Variants in MACROH2A1 observed in about 807,000 individuals in gnomAD.
MACROH2A1 encodes the protein core histone macro-H2A.1.
MACROH2A1 carries 2 observed loss-of-function variants against 31.6 expected under a neutral mutation model. That is an observed-to-expected ratio of 0.06 (90% confidence interval 0.03 to 0.20). The LOEUF (loss-of-function observed/expected upper bound fraction) is 0.20, where lower values mean the gene tolerates loss of function less well. Ranked by LOEUF, MACROH2A1 falls within the 10% of genes least tolerant of loss-of-function variation. The pLI, the probability that MACROH2A1 is intolerant of heterozygous loss-of-function variation, is 1.00. For synonymous variants in MACROH2A1, 169 were observed against 189.6 expected, an observed-to-expected ratio of 0.89 and a Z score of 0.89; for missense variants, 230 against 474.0, an observed-to-expected ratio of 0.49 and a Z score of 4.78.
intron 2 of MACROH2A1, among the ~76,000 whole-genome samples, chr5:135,388,048 C>CAA (rs55971554): frequency 0.022 from 1,752 of 80,918 alleles, 25 homozygotes; most frequent in Non-Finnish European, 0.035. Flanking sequence ...ATTGATACTT[C>CAA]AAAAAAAAAA....
intron 6 of MACROH2A1, among the ~76,000 whole-genome samples, chr5:135,348,675 G>T (rs921729018): frequency 6.6e-6 from 1 of 152,250 alleles, no homozygotes; most frequent in Non-Finnish European, 1.5e-5. Flanking sequence ...GATTGTAAAA[G>T]ATATCTGGGG....
At chr5:135,344,278 A>G (rs1760441812) in intron 7 of MACROH2A1, 3 of 152,254 alleles carry the variant, frequency 2.0e-5, no homozygotes, top group Admixed American at 1.3e-4. Context: ...GTTTAGCTGC[A>G]TGCTACGCTT....
chr5:135,338,650 A>C (rs1759226593), intron 8 of MACROH2A1, among the ~76,000 whole-genome samples: 1 of 152,216 alleles, frequency 6.6e-6, no homozygotes, highest in East Asian at 1.9e-4. Context: ...TTTCAGGAGC[A>C]GTCATGCCCA....
intron 2 of MACROH2A1, among the ~76,000 whole-genome samples, chr5:135,374,750 A>C (rs1764632134): frequency 6.6e-6 from 1 of 152,192 alleles, no homozygotes. Context: ...TGGACACAAA[A>C]ATCCTTTTCT....
chr5:135,341,536 A>C (rs1020731135), intron 8 of MACROH2A1, among the ~76,000 whole-genome samples: 1 of 152,242 alleles, frequency 6.6e-6, no homozygotes, highest in Non-Finnish European at 1.5e-5. Context: ...GGGTCCTGCC[A>C]GTCACACATG....
chr5:135,370,718 G>A (rs1410818792), intron 2 of MACROH2A1, among the ~76,000 whole-genome samples: 1 of 152,300 alleles, frequency 6.6e-6, no homozygotes, highest in East Asian at 1.9e-4. Flanking sequence ...TGTGGGGGGA[G>A]GTTGTTGTAG....
At chr5:135,382,987 G>A (rs567954322) in intron 2 of MACROH2A1, among the ~76,000 whole-genome samples, 7 of 152,296 alleles carry the variant, frequency 4.6e-5, no homozygotes, top group African/African-American at 1.7e-4. Flanking sequence ...GCACCTTCAC[G>A]TCTTGGGTAA....
At chr5:135,338,863 C>G (rs1368691631) in intron 8 of MACROH2A1, among the ~76,000 whole-genome samples, 1 of 152,158 alleles carries the variant, frequency 6.6e-6, no homozygotes, top group Non-Finnish European at 1.5e-5. Context: ...GGTTTGAATC[C>G]CAGCTGCTTT....
At chr5:135,349,027 G>A (rs1761195918) in intron 6 of MACROH2A1, among the ~76,000 whole-genome samples, 1 of 152,218 alleles carries the variant, frequency 6.6e-6, no homozygotes, top group African/African-American at 2.4e-5. Flanking sequence ...AGCTGGGTCT[G>A]CCTGTTACTT....
upstream of MACROH2A1, chr5:135,399,828 A>C (rs1207917605): frequency 6.6e-6 from 1 of 152,232 alleles, no homozygotes; most frequent in East Asian, 1.9e-4. The surrounding 1 kb of genome is among the most constrained non-coding windows in gnomAD (Gnocchi z 4.5). Context: ...GCGGTTAGCT[A>C]CTTCGCTTCA....
intron 5 of MACROH2A1, 144 bp downstream of exon 5, chr5:135,360,353 C>T: frequency 1.6e-6 from 1 of 628,438 alleles, no homozygotes; most frequent in Non-Finnish European, 2.8e-6. Context: ...CTCCCTGAGG[C>T]CACTCCCAAA....
At chr5:135,356,707 T>C (rs1031279778) in intron 5 of MACROH2A1, 1 of 152,172 alleles carries the variant, frequency 6.6e-6, no homozygotes, top group African/African-American at 2.4e-5. Context: ...AGGCGGTCTG[T>C]CGATGATGAC....
intron 6 of MACROH2A1, among the ~76,000 whole-genome samples, chr5:135,348,781 T>C (rs1286361838): frequency 6.6e-6 from 1 of 152,192 alleles, no homozygotes; most frequent in Non-Finnish European, 1.5e-5. Context: ...CTTGGCCAGT[T>C]GGGGTGTCTG....
At chr5:135,397,090 C>G (rs963786807) in intron 1 of MACROH2A1, among the ~76,000 whole-genome samples, 2 of 152,130 alleles carry the variant, frequency 1.3e-5, no homozygotes, top group African/African-American at 4.8e-5. Flanking sequence ...TGTTGCAGTT[C>G]TGATGAACAA....
Position 135,369,777 on chromosome 5 carries a change from C to T in MACROH2A1, c.280-174G>A, listed in dbSNP as rs1159804700. On this transcript the variant is annotated intron_variant, in intron 3 of 8. Transcript: ENST00000511689. This position sits in a 1 kb window ranked among gnomAD's most constrained non-coding sequence, Gnocchi z 4.3. ...GCTCACTGCTCAGGGATCCAGTCCCCAGAGTCCCTCACTCAAATGGAATTT... is the reference window on the plus strand; with the variant it reads ...GCTCACTGCTCAGGGATCCAGTCCCTAGAGTCCCTCACTCAAATGGAATTT... Among the ~76,000 whole-genome samples, 1 of 152,198 alleles carries T rather than the reference C, an allele frequency of 6.6e-6. No individual in the cohort carries two copies. Among genetic ancestry groups the T allele is most frequent in the Non-Finnish European group, 1.5e-5 (1 of 68,028 alleles).
chr5:135,345,773 T>A, intron 7 of MACROH2A1, 195 bp downstream of exon 7: 1 of 546,658 alleles, frequency 1.8e-6, no homozygotes, highest in South Asian at 2.6e-5. Flanking sequence ...TAAAAAAAAA[T>A]GCAAAGGTGA....
At chr5:135,349,067 G>GC (rs768092285) in intron 6 of MACROH2A1, among the ~76,000 whole-genome samples, 3 of 152,158 alleles carry the variant, frequency 2.0e-5, no homozygotes, top group Non-Finnish European at 4.4e-5. Context: ...TCTCAAAGCT[G>GC]CAACTCTGCC....
chr5:135,373,952 C>T (rs1243159633), intron 2 of MACROH2A1, among the ~76,000 whole-genome samples: 4 of 152,036 alleles, frequency 2.6e-5, no homozygotes, highest in Non-Finnish European at 5.9e-5. Context: ...CATAGTAACC[C>T]CATCGTTAAG....
At chr5:135,367,214 G>A (rs1417028148) in intron 4 of MACROH2A1, among the ~76,000 whole-genome samples, 5 of 152,316 alleles carry the variant, frequency 3.3e-5, no homozygotes, top group African/African-American at 1.2e-4. Flanking sequence ...TCTGGGAGCT[G>A]ACACCACAAT....
Sources: allele counts gnomAD v4.1 joint callset (sites outside exome capture counted in the v4.1 genomes callset), GRCh38; gene constraint gnomAD v4.1.1; non-coding constraint Gnocchi (gnomAD v3.1); transcripts MANE v1.5; gene names NCBI Gene and HGNC (gene_info 2026-07-23, HGNC 2026-07-21).